GRM5: variants seen among roughly 807,000 people sequenced by gnomAD.
GRM5 encodes the protein glutamate metabotropic receptor 5.
A neutral mutation model predicts 83.1 loss-of-function variants in GRM5; 19 were observed. The observed-to-expected ratio is 0.23, with a 90% CI of 0.16 to 0.34. The LOEUF (loss-of-function observed/expected upper bound fraction) is 0.34. GRM5 is among the 10% of genes least tolerant of loss of function. GRM5 has a pLI of 1.00. For synonymous variants in GRM5, 675 were observed against 633.6 expected, an observed-to-expected ratio of 1.07 and a Z score of -0.98; for missense variants, 1,160 against 1,588.3, an observed-to-expected ratio of 0.73 and a Z score of 4.58.
At chr11:88,845,721 C>A (rs1171393447) in intron 3 of GRM5, among the ~76,000 whole-genome samples, 1 of 94,442 alleles carries the variant, frequency 1.1e-5, no homozygotes, top group Non-Finnish European at 2.3e-5. Context: ...GCATGAACCA[C>A]CGCGCCCCCC....
intron 1 of GRM5, among the ~76,000 whole-genome samples, chr11:89,057,547 T>C (rs1941905114): frequency 6.6e-6 from 1 of 152,168 alleles, no homozygotes; most frequent in Non-Finnish European, 1.5e-5. Context: ...CACTAAATCA[T>C]TGTAAATCAT....
chr11:88,894,970 ATC>A (rs1945208702), intron 2 of GRM5, among the ~76,000 whole-genome samples: 1 of 151,944 alleles, frequency 6.6e-6, no homozygotes, highest in African/African-American at 2.4e-5. Flanking sequence ...AAAAAATAAT[ATC>A]TGTTTTTGAA....
intron 3 of GRM5, among the ~76,000 whole-genome samples, chr11:88,819,599 A>G (rs1449435593): frequency 6.6e-6 from 1 of 152,246 alleles, no homozygotes; most frequent in Non-Finnish European, 1.5e-5. Flanking sequence ...AATTCTTGTT[A>G]AAAATGAAAA....
At chr11:88,558,270 G>A (rs761671671) in intron 8 of GRM5, among the ~76,000 whole-genome samples, 2 of 152,128 alleles carry the variant, frequency 1.3e-5, no homozygotes, top group Non-Finnish European at 1.5e-5. Flanking sequence ...TTGTGACTCA[G>A]CTCTTGGCGA....
intron 2 of GRM5, among the ~76,000 whole-genome samples, chr11:88,947,651 G>T (rs1216313464): frequency 6.6e-6 from 1 of 151,750 alleles, no homozygotes; most frequent in African/African-American, 2.4e-5. Context: ...TGTTGGTATA[G>T]ATTTAGTTGA....
chr11:88,969,689 T>C (rs1159645789), intron 2 of GRM5, among the ~76,000 whole-genome samples: 1 of 152,154 alleles, frequency 6.6e-6, no homozygotes, highest in Non-Finnish European at 1.5e-5. Context: ...ATTTTACATC[T>C]TTTGCTTTAG....
At chr11:88,564,677 A>C (rs891467545) in intron 8 of GRM5, among the ~76,000 whole-genome samples, 14 of 152,344 alleles carry the variant, frequency 9.2e-5, no homozygotes, top group Non-Finnish European at 1.3e-4. Flanking sequence ...CAAACATACC[A>C]AAAATCATTA....
rs751003202 is a variant in GRM5, at chr11:88,597,303, T to C, written c.1444A>G (p.Ile482Val). 4 of 1,568,856 alleles carry C rather than the reference T, an allele frequency of 2.5e-6. No homozygotes were observed. Among genetic ancestry groups the C allele is most frequent in the Non-Finnish European group, 3.5e-6 (4 of 1,140,238 alleles). The change falls in exon 6 of 10, where the codon ATC (isoleucine) becomes GTC (valine). Residue 482 changes from isoleucine to valine, a missense_variant. Transcript: ENST00000305447. The stretch of plus-strand genomic sequence containing the variant: ...CCATTGTCCCAACTTCCAACGTTGA[T>C]ATAATCAAAGTAATCTTTTCCCATT... ...KEMGKDYFDY[I>V]NVGSWDNGEL... is the part of the protein sequence containing the mutation.
chr11:89,041,911 T>C lies in GRM5; in HGVS notation c.661+5301A>G, dbSNP rs191242065. On this transcript the variant is annotated intron_variant, in intron 2 of 9. Coordinates refer to ENST00000305447, the MANE Select transcript of GRM5 (RefSeq NM_001143831.3). ...ATTTCAAAGATTTCTGGGGATCTCATGTTTTCAGAATTTTTGTGGAGCAAA... is the reference window on the plus strand; with the variant it reads ...ATTTCAAAGATTTCTGGGGATCTCACGTTTTCAGAATTTTTGTGGAGCAAA... 1.3e-3 allele frequency among the ~76,000 whole-genome samples: 196 copies of C among 152,300 alleles called. 1 individual carries two copies. Among genetic ancestry groups the C allele is most frequent in the Non-Finnish European group, 1.1e-3 (73 of 68,034 alleles).
intron 3 of GRM5, among the ~76,000 whole-genome samples, chr11:88,770,958 T>C (rs563464767): frequency 1.1e-4 from 16 of 152,266 alleles, no homozygotes; most frequent in African/African-American, 3.6e-4. Context: ...GAAATTTAAA[T>C]GACTTTTCCT....
intron 2 of GRM5, among the ~76,000 whole-genome samples, chr11:88,992,913 G>A (rs1386825212): frequency 6.6e-6 from 1 of 151,644 alleles, no homozygotes; most frequent in African/African-American, 2.4e-5. Flanking sequence ...TATACCGAAT[G>A]TAAATGACGA....
intron 2 of GRM5, among the ~76,000 whole-genome samples, chr11:89,017,393 C>A (rs1940884610): frequency 6.6e-6 from 1 of 152,218 alleles, no homozygotes; most frequent in African/African-American, 2.4e-5. Flanking sequence ...CAAGGCATAG[C>A]ATAATGTACA....
intron 2 of GRM5, among the ~76,000 whole-genome samples, chr11:88,984,013 A>G (rs1248013690): frequency 1.3e-5 from 2 of 152,160 alleles, no homozygotes; most frequent in African/African-American, 2.4e-5. Context: ...CAGCTCTTCA[A>G]TATGTTTGTG....
chr11:88,585,714 G>T (rs1331737778), intron 7 of GRM5, among the ~76,000 whole-genome samples: 1 of 151,982 alleles, frequency 6.6e-6, no homozygotes, highest in Non-Finnish European at 1.5e-5. Context: ...ACACCATTCT[G>T]GCCTTCTCTG....
intron 2 of GRM5, among the ~76,000 whole-genome samples, chr11:88,987,897 A>G (rs932394146): frequency 2.0e-5 from 3 of 150,836 alleles, no homozygotes; most frequent in African/African-American, 7.4e-5. Context: ...AGATAAAACC[A>G]CAAAGATGGG....
intron 4 of GRM5, among the ~76,000 whole-genome samples, chr11:88,644,219 A>C (rs1408575111): frequency 2.0e-5 from 3 of 152,196 alleles, no homozygotes; most frequent in African/African-American, 7.2e-5. Context: ...GTCCATGAAC[A>C]ATGGTCAGTT....
chr11:88,693,888 G>T (rs1940842343), intron 3 of GRM5, among the ~76,000 whole-genome samples: 1 of 152,174 alleles, frequency 6.6e-6, no homozygotes, highest in Non-Finnish European at 1.5e-5. Flanking sequence ...TGGTGAGAGG[G>T]AAGGAAGGAC....
chr11:88,567,649 C>T lies in GRM5; in HGVS notation c.2034G>A (p.Lys678=), dbSNP rs55933882. ...ATCTGGGCTTTTTGGTACAGATCTT[C>T]TTCTTGCTGCCAGCCAGGATCCTTG... ...RIARILAGSK[K]KICTKKPRFM... is the part of the protein sequence containing the mutation. Residue 678 remains lysine, a synonymous_variant, in exon 8 of 10, where the codon AAG becomes AAA. Transcript: ENST00000305447. This position sits in a 1 kb window ranked among gnomAD's most constrained non-coding sequence, Gnocchi z 7.3. 7.4e-3 allele frequency: 11,980 copies of T among 1,614,134 alleles called. 77 individuals are homozygous for T. The highest frequency in any genetic ancestry group is 9.0e-3 in the Non-Finnish European group (10,644 of 1,179,974).
intron 5 of GRM5, among the ~76,000 whole-genome samples, chr11:88,597,781 A>G (rs1937858236): frequency 6.6e-6 from 1 of 152,160 alleles, no homozygotes; most frequent in Non-Finnish European, 1.5e-5. Context: ...GGATATAGGG[A>G]TAATTTACAG....
Sources: allele counts gnomAD v4.1 joint callset (sites outside exome capture counted in the v4.1 genomes callset), GRCh38; gene constraint gnomAD v4.1.1; non-coding constraint Gnocchi (gnomAD v3.1); transcripts MANE v1.5; gene names NCBI Gene and HGNC (gene_info 2026-07-23, HGNC 2026-07-21).